GPBP1: variants seen among roughly 807,000 people sequenced by gnomAD.
The protein encoded by GPBP1 is GC-rich promoter binding protein 1, also known as vasculin.
In GPBP1, 13 loss-of-function variants were observed where a neutral mutation model predicts 56.5. The observed-to-expected ratio is 0.23, with a 90% CI of 0.15 to 0.37. GPBP1 has a LOEUF of 0.37. GPBP1 is among the 10% of genes least tolerant of loss of function. The pLI is 1.00. For missense variants in GPBP1, 477 were observed against 572.3 expected, an observed-to-expected ratio of 0.83 and a Z score of 1.70; for synonymous variants, 204 against 188.9, an observed-to-expected ratio of 1.08 and a Z score of -0.66.
At chr5:57,199,734 C>T (rs1032253863) in intron 2 of GPBP1, among the ~76,000 whole-genome samples, 3 of 152,160 alleles carry the variant, frequency 2.0e-5, no homozygotes, top group Non-Finnish European at 2.9e-5. Context: ...GATATGTAAT[C>T]GTCACTTTAA....
chr5:57,178,603 T>TA (rs1753902086), intron 2 of GPBP1, among the ~76,000 whole-genome samples: 1 of 152,242 alleles, frequency 6.6e-6, no homozygotes, highest in Non-Finnish European at 1.5e-5. Flanking sequence ...AGTGTTAGGA[T>TA]AAAGATTACT....
At chr5:57,239,674 G>A (rs34200372) in intron 6 of GPBP1, among the ~76,000 whole-genome samples, 31,313 of 152,014 alleles carry the variant, frequency 0.21, 4,003 homozygotes, top group Middle Eastern at 0.3. Flanking sequence ...CAGCCACTTG[G>A]GAGGCTGAGG....
intron 3 of GPBP1, 68 bp downstream of exon 3, chr5:57,214,261 G>A: frequency 3.2e-6 from 4 of 1,268,266 alleles, no homozygotes; most frequent in South Asian, 1.2e-5. Context: ...ATGTAATTAA[G>A]TCATGGAGGA....
intron 2 of GPBP1, among the ~76,000 whole-genome samples, chr5:57,183,459 G>A (rs1754149595): frequency 6.6e-6 from 1 of 152,136 alleles, no homozygotes; most frequent in Non-Finnish European, 1.5e-5. Context: ...TTGGCTTGTG[G>A]CTCACGCCTG....
At chr5:57,241,377 T>C (rs754356608) in intron 6 of GPBP1, among the ~76,000 whole-genome samples, 1 of 152,214 alleles carries the variant, frequency 6.6e-6, no homozygotes, top group Admixed American at 6.5e-5. Flanking sequence ...CTTACATTCA[T>C]AGGTATGGGA....
intron 9 of GPBP1, 107 bp from the exon 10 acceptor site, chr5:57,250,847 A>T: frequency 1.3e-6 from 1 of 781,878 alleles, no homozygotes; most frequent in Non-Finnish European, 2.0e-6. Context: ...GCCTGGCCGC[A>T]TTTATGTATT....
chr5:57,216,741 T>C (rs899589869), intron 3 of GPBP1, among the ~76,000 whole-genome samples: 2 of 152,166 alleles, frequency 1.3e-5, no homozygotes, highest in African/African-American at 2.4e-5. Context: ...TAAGGGCACA[T>C]AGCAAATGAA....
At chr5:57,246,214 T>C in intron 6 of GPBP1, 86 bp from the exon 7 acceptor site, 2 of 1,046,062 alleles carry the variant, frequency 1.9e-6, no homozygotes, top group Non-Finnish European at 2.7e-6. Flanking sequence ...AAAAAAAAAT[T>C]TGGAATATAC....
At chr5:57,223,892 G>A (rs1392657104) in intron 3 of GPBP1, among the ~76,000 whole-genome samples, 2 of 151,390 alleles carry the variant, frequency 1.3e-5, no homozygotes, top group Non-Finnish European at 2.9e-5. Flanking sequence ...GGAGTGCAGC[G>A]ATGCTATCTC....
At chr5:57,230,707 T>A (rs569541272) in intron 3 of GPBP1, 139 bp from the exon 4 acceptor site, 1 of 747,422 alleles carries the variant, frequency 1.3e-6, no homozygotes, top group East Asian at 2.7e-5. Flanking sequence ...TACCCAGTTA[T>A]CAAATACCTT....
rs1002435795 is a variant in GPBP1 at position 57,175,477 on chromosome 5, T to G, written c.-981T>G. ...TTGAATTACTCAGATATGAAGATCA[T>G]CATCTAGGTTTTGTGTAAAAGGCCC... On this transcript the variant is annotated 5_prime_UTR_variant, in exon 2 of 12. Transcript: ENST00000506184. 2.5e-6 allele frequency: 1 copy of G among 398,592 alleles called. No homozygotes were observed. Among genetic ancestry groups the G allele is most frequent in the African/African-American group, 2.1e-5 (1 of 48,752 alleles). The allele number at this position is 398,592 out of a possible 1,614,324, so 24.7% of individuals were successfully genotyped here.
chr5:57,180,883 A>C (rs1303573733), intron 2 of GPBP1, among the ~76,000 whole-genome samples: 2 of 152,188 alleles, frequency 1.3e-5, no homozygotes, highest in East Asian at 3.9e-4. Flanking sequence ...CTGGGATTAC[A>C]GGTGCCCACC....
chr5:57,248,607 T>C (rs1287699282), intron 8 of GPBP1, among the ~76,000 whole-genome samples: 1 of 152,064 alleles, frequency 6.6e-6, no homozygotes, highest in African/African-American at 2.4e-5. Context: ...CTAATTTTTT[T>C]GTATTTTTAG....
intron 2 of GPBP1, among the ~76,000 whole-genome samples, chr5:57,209,846 A>G (rs1025652748): frequency 1.3e-5 from 2 of 152,054 alleles, no homozygotes; most frequent in African/African-American, 4.8e-5. Context: ...ACTACTTTGT[A>G]TGGTGTTTAA....
chr5:57,252,385 G>C (rs189270845), intron 10 of GPBP1, among the ~76,000 whole-genome samples: 55 of 152,114 alleles, frequency 3.6e-4, no homozygotes, highest in Non-Finnish European at 5.6e-4. Context: ...ACAGCGAATT[G>C]TCCCAATATG....
intron 2 of GPBP1, among the ~76,000 whole-genome samples, chr5:57,205,413 A>G (rs1226912355): frequency 2.0e-5 from 3 of 152,120 alleles, no homozygotes; most frequent in East Asian, 3.9e-4. Flanking sequence ...TCCTTTCTCA[A>G]TTCTTCTGTG....
intron 11 of GPBP1, 123 bp downstream of exon 11, chr5:57,261,405 T>TAA: frequency 2.3e-4 from 108 of 472,384 alleles, no homozygotes; most frequent in Non-Finnish European, 3.2e-4. Context: ...GAATTGCTTT[T>TAA]AAAAAAAAAA....
Position 57,250,943 on chromosome 5 carries a change from C to G in GPBP1, c.973-11C>G. The stretch of plus-strand genomic sequence containing the variant: ...CATTCTTTTTTTTTTTTTTAACTCT[C>G]TAAAAATCAGGATGACGACTCATTT... On this transcript the variant is annotated splice_polypyrimidine_tract_variant and intron_variant, in intron 9 of 11. Coordinates refer to ENST00000506184, the MANE Select transcript of GPBP1 (RefSeq NM_022913.4). 4 of 1,444,640 alleles carry G rather than the reference C, an allele frequency of 2.8e-6. No individual in the cohort carries two copies. Among genetic ancestry groups the G allele is most frequent in the Non-Finnish European group, 3.7e-6 (4 of 1,072,786 alleles). The allele number at this position is 1,444,640 out of a possible 1,614,324, so 89.5% of individuals were successfully genotyped here. A position where few individuals can be genotyped will look rare whatever the true frequency, so the allele number is the denominator to read the frequency against.
intron 6 of GPBP1, among the ~76,000 whole-genome samples, chr5:57,240,818 T>TA (rs1740790442): frequency 6.6e-6 from 1 of 151,890 alleles, no homozygotes; most frequent in Non-Finnish European, 1.5e-5. Context: ...CTACTAAAAA[T>TA]ACAAATTTAG....
Sources: allele counts gnomAD v4.1 joint callset (sites outside exome capture counted in the v4.1 genomes callset), GRCh38; gene constraint gnomAD v4.1.1; transcripts MANE v1.5; gene names NCBI Gene and HGNC (gene_info 2026-07-23, HGNC 2026-07-21).